The following AP1G1 variants were observed in gnomAD, a reference collection of about 807,000 sequenced individuals.
The protein encoded by AP1G1 is AP-1 complex subunit gamma-1.
AP1G1 carries 7 observed loss-of-function variants against 108.3 expected under a neutral mutation model. The observed-to-expected ratio is 0.06, with a 90% confidence interval of 0.04 to 0.12. AP1G1 has a LOEUF of 0.12. Ranked by LOEUF, AP1G1 falls within the 10% of genes least tolerant of loss-of-function variation. AP1G1 has a pLI of 1.00. For missense variants in AP1G1, 756 were observed against 1,010.7 expected (o/e 0.75, Z 3.42); for synonymous variants, 379 against 353.5 (o/e 1.07, Z -0.81).
At chr16:71,759,396 G>A (rs763181564) in intron 10 of AP1G1, among the ~76,000 whole-genome samples, 14 of 152,138 alleles carry the variant, frequency 9.2e-5, no homozygotes, top group Admixed American at 2.0e-4. Flanking sequence ...GGGAGGCTGC[G>A]GTTGCAGTGG....
At chr16:71,786,509 G>A (rs1352965860) in intron 2 of AP1G1, among the ~76,000 whole-genome samples, 1 of 151,936 alleles carries the variant, frequency 6.6e-6, no homozygotes, top group African/African-American at 2.4e-5. Context: ...TTGCCAGGCT[G>A]GAGTACAGTG....
chr16:71,767,855 C>G (rs12149522), intron 6 of AP1G1: 1 of 1,598,824 alleles, frequency 6.3e-7, no homozygotes, highest in African/African-American at 1.3e-5. Flanking sequence ...CATGCACCAT[C>G]TAAAAGAGGG....
intron 6 of AP1G1, among the ~76,000 whole-genome samples, chr16:71,767,290 T>C (rs1378656320): frequency 6.6e-6 from 1 of 152,184 alleles, no homozygotes; most frequent in Non-Finnish European, 1.5e-5. Flanking sequence ...TTAAAACTGA[T>C]GACAAGACAA....
At chr16:71,803,923 CA>C (rs534074123) in intron 1 of AP1G1, among the ~76,000 whole-genome samples, 2,590 of 73,650 alleles carry the variant, frequency 0.035, 60 homozygotes, top group African/African-American at 0.11. Flanking sequence ...GACTCCGTCT[CA>C]AAAAAAAAAA....
At chr16:71,787,667 A>G (rs1392243228) in intron 2 of AP1G1, among the ~76,000 whole-genome samples, 1 of 152,178 alleles carries the variant, frequency 6.6e-6, no homozygotes, top group Non-Finnish European at 1.5e-5. Context: ...ACTTAAAATC[A>G]ATCAACCGAT....
chr16:71,791,720 T>C (rs1379719874), intron 1 of AP1G1, among the ~76,000 whole-genome samples: 1 of 147,050 alleles, frequency 6.8e-6, no homozygotes, highest in African/African-American at 2.5e-5. Context: ...TATTAAGATA[T>C]GGTCACACGG....
At chr16:71,756,695 A>G (rs2030804407) in intron 11 of AP1G1, among the ~76,000 whole-genome samples, 1 of 152,168 alleles carries the variant, frequency 6.6e-6, no homozygotes, top group South Asian at 2.1e-4. Flanking sequence ...TTTTCTCACC[A>G]CTTTGGGAGG....
chr16:71,785,776 G>A (rs975286809), intron 2 of AP1G1, among the ~76,000 whole-genome samples: 5 of 152,024 alleles, frequency 3.3e-5, no homozygotes, highest in African/African-American at 9.7e-5. Flanking sequence ...CAGCTACTAG[G>A]GAGGCTGAGG....
At chr16:71,800,708 G>C (rs910241691) in intron 1 of AP1G1, among the ~76,000 whole-genome samples, 1 of 152,072 alleles carries the variant, frequency 6.6e-6, no homozygotes, top group African/African-American at 2.4e-5. Context: ...GGCTGACGCA[G>C]GAGAATGGCG....
chr16:71,773,272 T>G lies in AP1G1; in HGVS notation c.417A>C (p.Ala139=), dbSNP rs200032546. Reference sequence around the variant, plus strand: ...TTTTCAGGAGCTTCTCTACCTCTCCTGCAAGATCTCTGCACATCTCTGAGG... The same window carrying G: ...TTTTCAGGAGCTTCTCTACCTCTCCGGCAAGATCTCTGCACATCTCTGAGG... ...MGSSEMCRDL[A]GEVEKLLKTS... is the part of the protein sequence containing the mutation. The change falls in exon 4 of 23, where the codon GCA becomes GCC. Residue 139 remains alanine, a synonymous_variant. Coordinates refer to ENST00000299980, the MANE Select transcript of AP1G1 (RefSeq NM_001128.6). The G allele has an allele frequency of 1.2e-6, 2 of 1,613,318 alleles. No individual in the cohort carries two copies. Among genetic ancestry groups the G allele is most frequent in the South Asian group, 1.1e-5 (1 of 90,922 alleles).
chr16:71,796,455 C>T (rs879534201), intron 1 of AP1G1, among the ~76,000 whole-genome samples: 1 of 152,134 alleles, frequency 6.6e-6, no homozygotes, highest in Non-Finnish European at 1.5e-5. Context: ...TCCCAAGTAC[C>T]TCCATACAAG....
At position 71,745,154 on chromosome 16, in the gene AP1G1, G is replaced by A. The variant is rs1470010784; in HGVS notation, c.1989C>T (p.Ile663=). 1.2e-6 allele frequency: 2 copies of A among 1,614,102 alleles called. No homozygotes were observed. The highest frequency in any genetic ancestry group is 4.5e-5 in the East Asian group (2 of 44,880). Residue 663 remains isoleucine (I), a synonymous_variant, in exon 19 of 23, where the codon ATC becomes ATT. Coordinates refer to ENST00000299980, the MANE Select transcript of AP1G1 (RefSeq NM_001128.6). ...GGELLDLLGD[I]NLTGAPAAAP... ...TCCAGACTGCCTCACCTGTAAGGTTGATGTCTCCCAGCAAATCAAGAAGTT... is the reference window on the plus strand; with the variant it reads ...TCCAGACTGCCTCACCTGTAAGGTTAATGTCTCCCAGCAAATCAAGAAGTT...
At chr16:71,798,708 C>T (rs1428437310) in intron 1 of AP1G1, among the ~76,000 whole-genome samples, 1 of 151,718 alleles carries the variant, frequency 6.6e-6, no homozygotes, top group Non-Finnish European at 1.5e-5. Context: ...GCCAACATGG[C>T]GAATCTCTGT....
At chr16:71,757,979 A>C (rs1398303474) in intron 11 of AP1G1, among the ~76,000 whole-genome samples, 2 of 152,220 alleles carry the variant, frequency 1.3e-5, no homozygotes, top group Non-Finnish European at 1.5e-5. Context: ...CTGAGAACCC[A>C]CTGAGAGGGT....
chr16:71,778,692 AAAAG>A (rs894481023), intron 2 of AP1G1, among the ~76,000 whole-genome samples: 2 of 151,384 alleles, frequency 1.3e-5, no homozygotes, highest in African/African-American at 4.9e-5. Context: ...TAAAAAAAAA[AAAAG>A]AAAGAAAGAA....
At chr16:71,770,742 T>A (rs947866020) in intron 5 of AP1G1, among the ~76,000 whole-genome samples, 1 of 152,196 alleles carries the variant, frequency 6.6e-6, no homozygotes, top group African/African-American at 2.4e-5. Flanking sequence ...AGTGCTGGGA[T>A]TACAGGCATG....
chr16:71,752,285 C>T (rs914750691), intron 13 of AP1G1, among the ~76,000 whole-genome samples: 1 of 152,106 alleles, frequency 6.6e-6, no homozygotes, highest in African/African-American at 2.4e-5. Context: ...ATGTCCTGTT[C>T]ATCATTATGT....
chr16:71,768,147 A>C (rs999990529), intron 6 of AP1G1, among the ~76,000 whole-genome samples: 3 of 149,312 alleles, frequency 2.0e-5, no homozygotes, highest in African/African-American at 7.4e-5. Flanking sequence ...TTCTGAGTCT[A>C]AAATTAAGTG....
At chr16:71,793,683 T>G (rs1244856816) in intron 1 of AP1G1, among the ~76,000 whole-genome samples, 1 of 152,176 alleles carries the variant, frequency 6.6e-6, no homozygotes, top group African/African-American at 2.4e-5. Flanking sequence ...GTTTTTGTTG[T>G]TGTTTTTTGC....
Sources: gnomAD v4.1 joint callset for allele counts (sites outside exome capture counted in the v4.1 genomes callset) on GRCh38, gnomAD v4.1.1 for gene constraint, MANE v1.5 for transcripts, NCBI Gene and HGNC (gene_info 2026-07-23, HGNC 2026-07-21) for gene names.